Variants in EDA observed in about 807,000 individuals in gnomAD.
The protein encoded by EDA is ectodysplasin-A.
EDA carries 2 observed loss-of-function variants against 23.6 expected under a neutral mutation model. That is an observed-to-expected ratio of 0.08 (90% CI 0.03 to 0.27). The LOEUF (loss-of-function observed/expected upper bound fraction) is 0.27. EDA is among the 10% of genes least tolerant of loss of function. EDA has a pLI of 1.00. For synonymous variants in EDA, 131 were observed against 132.0 expected, an observed-to-expected ratio of 0.99 and a Z score of 0.05; for missense variants, 229 against 324.2, an observed-to-expected ratio of 0.71 and a Z score of 2.26.
At chrX:69,979,729 A>C (rs1475708386) in intron 2 of EDA, among the ~76,000 whole-genome samples, 1 of 111,464 alleles carries the variant, frequency 9.0e-6, no homozygotes, top group East Asian at 2.8e-4. Flanking sequence ...CCTAGTCTTC[A>C]AGCAGATTAT....
chrX:69,847,295 G>A (rs2017029020), intron 1 of EDA, among the ~76,000 whole-genome samples: 1 of 111,583 alleles, frequency 9.0e-6, no homozygotes, highest in Non-Finnish European at 1.9e-5. Context: ...ATAAATGAAT[G>A]CCTACTTTTT....
intron 1 of EDA, among the ~76,000 whole-genome samples, chrX:69,732,688 A>G (rs2013084410): frequency 8.9e-6 from 1 of 111,902 alleles, no homozygotes; most frequent in Admixed American, 9.5e-5. Flanking sequence ...GTCTTCCACA[A>G]TGGTTGAACC....
chrX:69,646,457 T>C (rs1932929840), intron 1 of EDA, among the ~76,000 whole-genome samples: 1 of 111,888 alleles, frequency 8.9e-6, no homozygotes. Flanking sequence ...TCTTTTTTGA[T>C]CTTTGTTGAT....
chrX:69,723,835 C>T (rs1044633514), intron 1 of EDA, among the ~76,000 whole-genome samples: 2 of 111,058 alleles, frequency 1.8e-5, no homozygotes, highest in Non-Finnish European at 3.8e-5. Context: ...TTCAACCTTT[C>T]CCGCTTTCTT....
At chrX:69,704,061 C>G (rs1295894523) in intron 1 of EDA, among the ~76,000 whole-genome samples, 1 of 111,685 alleles carries the variant, frequency 9.0e-6, no homozygotes, top group African/African-American at 3.3e-5. Context: ...GAGATTTATT[C>G]TGAGCCAAAT....
intron 1 of EDA, chrX:69,693,177 A>G (rs1001585593): frequency 5.4e-5 from 6 of 111,256 alleles, no homozygotes; most frequent in African/African-American, 2.0e-4. Flanking sequence ...AATTTAGCAG[A>G]GTCTAATTGA....
Position 69,878,855 on chromosome X carries a change from T to C in EDA, c.397-78172T>C, listed in dbSNP as rs745572962. 2.7e-5 allele frequency among the ~76,000 whole-genome samples: 3 copies of C among 110,413 alleles called. No homozygotes were observed. In the East Asian group the frequency reaches 8.6e-4, roughly 32 times the overall value. ...TTAAGTTAGACTAATTAGAAGGCCTTCTTGCCTCCGTCGGCAACAGAGAAA... is the reference window on the plus strand; with the variant it reads ...TTAAGTTAGACTAATTAGAAGGCCTCCTTGCCTCCGTCGGCAACAGAGAAA... On this transcript the variant is annotated intron_variant, in intron 1 of 7. Coordinates refer to ENST00000374552, the MANE Select transcript of EDA (RefSeq NM_001399.5).
In EDA at chrX:69,695,184, G is replaced by T. The variant is rs141332766; in HGVS notation, c.396+78480G>T. The stretch of plus-strand genomic sequence containing the variant: ...AAAATATAAAAATTAGCCAAGTGTG[G>T]TGGTGTGTGCCTGTAGTCCCAGCTA... On this transcript the variant is annotated intron_variant, in intron 1 of 7. Coordinates refer to ENST00000374552, the MANE Select transcript of EDA (RefSeq NM_001399.5). Among the ~76,000 whole-genome samples the T allele has an allele frequency of 4.3e-4, 48 of 110,621 alleles. No individual in the cohort carries two copies. The East Asian group carries it at 0.01, about 24-fold the overall frequency.
At chrX:69,862,973 AG>A (rs776996008) in intron 1 of EDA, among the ~76,000 whole-genome samples, 222 of 109,595 alleles carry the variant, frequency 2.0e-3, no homozygotes, top group African/African-American at 6.9e-3. Context: ...TTGGACTCTC[AG>A]ATCCCCTCAC....
chrX:70,011,213 A>G (rs1353847272), intron 2 of EDA, among the ~76,000 whole-genome samples: 1 of 111,652 alleles, frequency 9.0e-6, no homozygotes, highest in African/African-American at 3.3e-5. Context: ...ATCCAAGTCC[A>G]TTTTGAAATA....
chrX:69,866,806 G>C (rs1371279679), intron 1 of EDA, among the ~76,000 whole-genome samples: 2 of 112,007 alleles, frequency 1.8e-5, no homozygotes, highest in African/African-American at 3.2e-5. Flanking sequence ...TGAATTCCAT[G>C]AGCATGAGCC....
At chrX:69,710,092 ATTG>A in intron 1 of EDA, among the ~76,000 whole-genome samples, 1 of 111,385 alleles carries the variant, frequency 9.0e-6, no homozygotes, top group Admixed American at 9.6e-5. Flanking sequence ...CCTGAATGGT[ATTG>A]CCTAGGTCTT....
intron 1 of EDA, among the ~76,000 whole-genome samples, chrX:69,739,791 G>A (rs1189877405): frequency 9.1e-6 from 1 of 110,452 alleles, no homozygotes; most frequent in Non-Finnish European, 1.9e-5. Flanking sequence ...CACTTTTGAT[G>A]CTTTTATTGT....
At chrX:69,743,522 G>C (rs908047925) in intron 1 of EDA, among the ~76,000 whole-genome samples, 2 of 111,454 alleles carry the variant, frequency 1.8e-5, no homozygotes, top group Non-Finnish European at 3.8e-5. Context: ...TGATTCCCTG[G>C]GCTAAGATCA....
intron 1 of EDA, among the ~76,000 whole-genome samples, chrX:69,833,033 A>C (rs1289090335): frequency 1.8e-5 from 2 of 110,658 alleles, no homozygotes; most frequent in Non-Finnish European, 3.8e-5. Flanking sequence ...CCCTTTATTT[A>C]TTTCTCCTGC....
At chrX:69,956,969 A>G in intron 1 of EDA, 58 bp from the exon 2 acceptor site, 1 of 1,080,173 alleles carries the variant, frequency 9.3e-7, no homozygotes, top group Non-Finnish European at 1.3e-6. Flanking sequence ...CTGGTTTTTT[A>G]TGTTGGCTAT....
chrX:70,026,489 T>G (rs2147507634), intron 3 of EDA, among the ~76,000 whole-genome samples: 1 of 111,865 alleles, frequency 8.9e-6, no homozygotes, highest in South Asian at 3.8e-4. Flanking sequence ...GGAAAGACTT[T>G]GGGAAGCTGG....
At chrX:69,826,957 G>A (rs1421381300) in intron 1 of EDA, among the ~76,000 whole-genome samples, 1 of 112,129 alleles carries the variant, frequency 8.9e-6, no homozygotes, top group Non-Finnish European at 1.9e-5. Context: ...CTTCACTTAT[G>A]AAGCTTAGTT....
At chrX:69,879,429 G>GT (rs1257608836) in intron 1 of EDA, among the ~76,000 whole-genome samples, 6 of 111,570 alleles carry the variant, frequency 5.4e-5, no homozygotes, top group Non-Finnish European at 1.1e-4. Flanking sequence ...CCAAGTGGCT[G>GT]TAAGAAAGAA....
Sources: allele counts gnomAD v4.1 joint callset (sites outside exome capture counted in the v4.1 genomes callset), GRCh38; gene constraint gnomAD v4.1.1; transcripts MANE v1.5; gene names NCBI Gene and HGNC (gene_info 2026-07-23, HGNC 2026-07-21).